ALOX5: variants seen among roughly 807,000 people sequenced by gnomAD.
The protein encoded by ALOX5 is arachidonate 5-lipoxygenase.
A neutral mutation model predicts 87.9 loss-of-function variants in ALOX5; 64 were observed. That is an observed-to-expected ratio of 0.73 (90% CI 0.60 to 0.90). The LOEUF is 0.90. Ranked by LOEUF, ALOX5 falls within the 40% of genes least tolerant of loss-of-function variation. The probability of loss-of-function intolerance (pLI) is 0.00; values close to 1 mark genes in which losing one functional copy is unlikely to be tolerated. For synonymous variants in ALOX5, 388 were observed against 355.1 expected, an observed-to-expected ratio of 1.09 and a Z score of -1.04; for missense variants, 822 against 907.5, an observed-to-expected ratio of 0.91 and a Z score of 1.21.
chr10:45,405,759 CAG>C (rs1295762442), intron 3 of ALOX5, among the ~76,000 whole-genome samples: 22 of 141,284 alleles, frequency 1.6e-4, no homozygotes, highest in Non-Finnish European at 1.5e-5. Flanking sequence ...TTTTTTGAGA[CAG>C]AGTCTTGCTC....
intron 6 of ALOX5, among the ~76,000 whole-genome samples, chr10:45,428,091 G>A (rs1841789872): frequency 7.1e-6 from 1 of 141,804 alleles, no homozygotes; most frequent in African/African-American, 2.7e-5. Flanking sequence ...CTCAACCCCT[G>A]TAGAGTCCCC....
At chr10:45,404,666 T>C (rs1332931552) in intron 3 of ALOX5, among the ~76,000 whole-genome samples, 1 of 152,266 alleles carries the variant, frequency 6.6e-6, no homozygotes, top group African/African-American at 2.4e-5. Flanking sequence ...CATGCGCTCG[T>C]CCGCTCTCCT....
At chr10:45,413,135 A>G (rs1389324461) in intron 4 of ALOX5, among the ~76,000 whole-genome samples, 1 of 152,182 alleles carries the variant, frequency 6.6e-6, no homozygotes, top group African/African-American at 2.4e-5. Context: ...CAGACACACA[A>G]CAAACAAAGA....
rs552671353 is a variant in ALOX5 at position 45,407,064 on chromosome 10, T to C, written c.432-5127T>C. 2.6e-5 allele frequency among the ~76,000 whole-genome samples: 4 copies of C among 152,330 alleles called. No homozygotes were observed. The East Asian group carries it at 7.7e-4, about 29-fold the overall frequency. ...ATTTCCTCAGAAGGTCCATGTGTAG[T>C]GTAAGATCTGAGTCTGTGCTTGTCG... On this transcript the variant is annotated intron_variant, in intron 3 of 13. Transcript: ENST00000374391.
chr10:45,385,248 G>A (rs1182430766), intron 2 of ALOX5, among the ~76,000 whole-genome samples: 6 of 152,288 alleles, frequency 3.9e-5, no homozygotes, highest in African/African-American at 1.4e-4. Context: ...CTCACCATAT[G>A]ATCACCCCTT....
intron 3 of ALOX5, among the ~76,000 whole-genome samples, chr10:45,401,369 A>C (rs1168819931): frequency 2.6e-5 from 4 of 152,226 alleles, no homozygotes; most frequent in Non-Finnish European, 5.9e-5. Flanking sequence ...TCAAAAAAGT[A>C]AAAGAAGGAA....
chr10:45,437,809 C>T (rs967164791), intron 7 of ALOX5, among the ~76,000 whole-genome samples: 3 of 152,220 alleles, frequency 2.0e-5, no homozygotes, highest in Admixed American at 6.5e-5. Context: ...AGACAGGACA[C>T]GGTAGCAGGG....
chr10:45,413,084 T>A (rs2132764000), intron 4 of ALOX5, among the ~76,000 whole-genome samples: 1 of 152,288 alleles, frequency 6.6e-6, no homozygotes, highest in South Asian at 2.1e-4. Context: ...CCTCCCTAAC[T>A]CATTATATGA....
chr10:45,415,180 C>G (rs1841230913), intron 4 of ALOX5, among the ~76,000 whole-genome samples: 1 of 152,196 alleles, frequency 6.6e-6, no homozygotes, highest in African/African-American at 2.4e-5. Context: ...GACTTGGAAC[C>G]AACCCAAATG....
chr10:45,407,431 A>G (rs1312943842), intron 3 of ALOX5, among the ~76,000 whole-genome samples: 1 of 151,982 alleles, frequency 6.6e-6, no homozygotes, highest in African/African-American at 2.4e-5. Flanking sequence ...GTCATTGAGA[A>G]AAATGACGAG....
intron 1 of ALOX5, among the ~76,000 whole-genome samples, chr10:45,375,559 C>G (rs1302229207): frequency 6.6e-6 from 1 of 152,222 alleles, no homozygotes; most frequent in Non-Finnish European, 1.5e-5. Context: ...TGAAATTGCT[C>G]ATAATGGACA....
chr10:45,407,323 G>C (rs905355498), intron 3 of ALOX5, among the ~76,000 whole-genome samples: 1 of 150,852 alleles, frequency 6.6e-6, no homozygotes, highest in African/African-American at 2.4e-5. Flanking sequence ...CCTTCTCTCT[G>C]TCTCTGTTTC....
At chr10:45,417,082 G>A (rs1023164340) in intron 4 of ALOX5, among the ~76,000 whole-genome samples, 1 of 152,036 alleles carries the variant, frequency 6.6e-6, no homozygotes, top group South Asian at 2.1e-4. Context: ...CACAGAATAG[G>A]TGCTCATTAA....
chr10:45,391,599 G>A (rs1333029724), intron 2 of ALOX5, among the ~76,000 whole-genome samples: 1 of 151,168 alleles, frequency 6.6e-6, no homozygotes, highest in Non-Finnish European at 1.5e-5. Context: ...GCCCAGTCTG[G>A]AAAGTGAGGA....
intron 3 of ALOX5, among the ~76,000 whole-genome samples, chr10:45,403,616 A>G (rs1840778534): frequency 6.6e-6 from 1 of 152,196 alleles, no homozygotes; most frequent in Non-Finnish European, 1.5e-5. Context: ...CATATTTTAT[A>G]TATTCTATTT....
chr10:45,384,158 C>T (rs74386871), intron 2 of ALOX5, among the ~76,000 whole-genome samples: 2,793 of 152,254 alleles, frequency 0.018, 47 homozygotes, highest in East Asian at 0.069. Context: ...GCAGAAGTAT[C>T]CTGGAGACAG....
chr10:45,440,060 A>C (rs370919684), intron 7 of ALOX5, among the ~76,000 whole-genome samples: 12 of 152,184 alleles, frequency 7.9e-5, no homozygotes, highest in African/African-American at 2.7e-4. Flanking sequence ...AAGAGGGAGC[A>C]GGGCAAGGAG....
chr10:45,428,792 G>C, intron 7 of ALOX5, 28 bp downstream of exon 7: 1 of 1,612,866 alleles, frequency 6.2e-7, no homozygotes, highest in Non-Finnish European at 8.5e-7. Flanking sequence ...ACACCTTTCT[G>C]AGCAGCTCAG....
Position 45,443,222 on chromosome 10 carries a change from C to T in ALOX5, c.1451+6C>T, listed in dbSNP as rs763979010. ...GTGTGGGAAGCCATCAGGACGTGAG[C>T]GCCCGCGGGGCGGTGGTCCTGGGGG... On this transcript the variant is annotated splice_donor_region_variant and intron_variant, in intron 10 of 13. Coordinates refer to ENST00000374391, the MANE Select transcript of ALOX5 (RefSeq NM_000698.5). The T allele has an allele frequency of 1.9e-6, 3 of 1,611,286 alleles. No homozygotes were observed. The highest frequency in any genetic ancestry group is 2.2e-5 in the East Asian group (1 of 44,860).
Sources: allele counts gnomAD v4.1 joint callset (sites outside exome capture counted in the v4.1 genomes callset), GRCh38; gene constraint gnomAD v4.1.1; transcripts MANE v1.5; gene names NCBI Gene and HGNC (gene_info 2026-07-23, HGNC 2026-07-21).